ATXN2: variants seen among roughly 807,000 people sequenced by gnomAD.
ATXN2 encodes ataxin 2.
Under a neutral mutation model 138.6 loss-of-function variants are expected in ATXN2, and 37 were observed. The observed-to-expected ratio is 0.27, with a 90% CI of 0.21 to 0.35. ATXN2 has a LOEUF of 0.35. Ranked by LOEUF, ATXN2 falls within the 10% of genes least tolerant of loss-of-function variation. The pLI is 1.00. For synonymous variants in ATXN2, 549 were observed against 543.7 expected (o/e 1.01, Z -0.13); for missense variants, 1,216 against 1,480.3 (o/e 0.82, Z 2.93).
intron 1 of ATXN2, among the ~76,000 whole-genome samples, chr12:111,583,521 G>C (rs530424582): frequency 6.6e-6 from 1 of 151,574 alleles, no homozygotes; most frequent in Non-Finnish European, 1.5e-5. Flanking sequence ...ATCCCAGCAC[G>C]TTGGGAGGCC....
chr12:111,586,396 T>TG, intron 1 of ATXN2, among the ~76,000 whole-genome samples: 1 of 143,030 alleles, frequency 7.0e-6, no homozygotes, highest in African/African-American at 2.6e-5. Context: ...TGGTTTTTTT[T>TG]TTTTTTTTTT....
chr12:111,569,896 T>C (rs1395007643), intron 1 of ATXN2, among the ~76,000 whole-genome samples: 1 of 152,184 alleles, frequency 6.6e-6, no homozygotes. Flanking sequence ...CTTAGGGCTC[T>C]AGTCCCATGC....
At chr12:111,534,868 C>T (rs1019856542) in intron 5 of ATXN2, among the ~76,000 whole-genome samples, 1 of 152,140 alleles carries the variant, frequency 6.6e-6, no homozygotes, top group African/African-American at 2.4e-5. Context: ...GGCATGGTGA[C>T]TCACACCTGT....
At chr12:111,461,707 G>T (rs1387623691) in intron 21 of ATXN2, among the ~76,000 whole-genome samples, 1 of 151,830 alleles carries the variant, frequency 6.6e-6, no homozygotes, top group Non-Finnish European at 1.5e-5. Flanking sequence ...TGATCACGAG[G>T]TCAGGAGTTC....
At chr12:111,476,119 T>G (rs1876800025) in intron 18 of ATXN2, among the ~76,000 whole-genome samples, 2 of 152,134 alleles carry the variant, frequency 1.3e-5, no homozygotes, top group African/African-American at 4.8e-5. Flanking sequence ...ACCCAGCAAA[T>G]TTTTAAATTG....
chr12:111,486,687 A>G (rs908426397), intron 16 of ATXN2, 74 bp downstream of exon 16: 1 of 1,274,292 alleles, frequency 7.8e-7, no homozygotes, highest in Non-Finnish European at 1.1e-6. Context: ...GATGGCAGGT[A>G]TGGAAGAAGG....
chr12:111,459,736 G>A (rs934028934), intron 21 of ATXN2, among the ~76,000 whole-genome samples: 10 of 147,696 alleles, frequency 6.8e-5, no homozygotes, highest in Admixed American at 6.1e-4. Flanking sequence ...CACTGCGCCC[G>A]GCCATGTTTG....
intron 21 of ATXN2, among the ~76,000 whole-genome samples, chr12:111,460,250 T>C (rs1875470231): frequency 6.6e-6 from 1 of 152,116 alleles, no homozygotes; most frequent in Non-Finnish European, 1.5e-5. Context: ...TTTTTTGTAT[T>C]TTTAGTAGAG....
chr12:111,485,661 T>A, intron 17 of ATXN2, 52 bp downstream of exon 17: 1 of 1,599,588 alleles, frequency 6.3e-7, no homozygotes, highest in Middle Eastern at 1.7e-4. Flanking sequence ...GTGCTTGGTG[T>A]CAGATACAAA....
chr12:111,560,279 G>A (rs1307722459), intron 1 of ATXN2, among the ~76,000 whole-genome samples: 1 of 152,110 alleles, frequency 6.6e-6, no homozygotes, highest in Non-Finnish European at 1.5e-5. Flanking sequence ...TATTTACCTA[G>A]TGTTTACACC....
chr12:111,513,687 CCATA>C, intron 10 of ATXN2, 148 bp from the exon 11 acceptor site: 1 of 611,506 alleles, frequency 1.6e-6, no homozygotes, highest in Non-Finnish European at 2.4e-6. Context: ...AAAAAAAACA[CCATA>C]CATATTTTTT....
intron 22 of ATXN2, 71 bp downstream of exon 22, chr12:111,457,143 G>A (rs1875168342): frequency 1.3e-6 from 2 of 1,527,714 alleles, no homozygotes; most frequent in Admixed American, 2.0e-5. Context: ...TGCGATACCT[G>A]GCACCTGAAG....
chr12:111,462,963 C>CATATAT (rs371550351), intron 21 of ATXN2, among the ~76,000 whole-genome samples: 1 of 148,188 alleles, frequency 6.7e-6, no homozygotes, highest in African/African-American at 2.5e-5. Flanking sequence ...TACACACATA[C>CATATAT]ATATATATAT....
chr12:111,529,752 G>C (rs1459243511), intron 5 of ATXN2, among the ~76,000 whole-genome samples: 1 of 152,148 alleles, frequency 6.6e-6, no homozygotes, highest in Non-Finnish European at 1.5e-5. Flanking sequence ...AGCCAATAAT[G>C]CCTCTGAAAA....
intron 7 of ATXN2, among the ~76,000 whole-genome samples, chr12:111,520,462 C>T (rs936013369): frequency 2.6e-5 from 4 of 152,044 alleles, no homozygotes; most frequent in Admixed American, 2.6e-4. Context: ...ACTATCCTGG[C>T]CAACATGGTG....
intron 1 of ATXN2, among the ~76,000 whole-genome samples, chr12:111,565,906 G>C (rs1228863764): frequency 6.6e-6 from 1 of 151,360 alleles, no homozygotes; most frequent in Non-Finnish European, 1.5e-5. Flanking sequence ...TGAGGCACGA[G>C]AATTGCTTGA....
chr12:111,547,647 C>A (rs1453661187), intron 5 of ATXN2, among the ~76,000 whole-genome samples: 1 of 151,818 alleles, frequency 6.6e-6, no homozygotes, highest in Non-Finnish European at 1.5e-5. Flanking sequence ...ATCGCTTGAA[C>A]CCAGAAGGCG....
intron 21 of ATXN2, among the ~76,000 whole-genome samples, chr12:111,464,033 C>A (rs1487020534): frequency 6.6e-6 from 1 of 152,102 alleles, no homozygotes; most frequent in East Asian, 1.9e-4. Flanking sequence ...GATGATCCAC[C>A]CGCCTCAGCC....
At position 111,505,195 on chromosome 12, in the gene ATXN2, C is replaced by T. The variant is rs540290244; in HGVS notation, c.1935+4354G>A. Among the ~76,000 whole-genome samples, 13 of 152,062 alleles carry T rather than the reference C, an allele frequency of 8.5e-5. 2 individuals are homozygous for T. Among genetic ancestry groups the T allele is most frequent in the African/African-American group, 2.9e-4 (12 of 41,476 alleles). On this transcript the variant is annotated intron_variant, in intron 14 of 24. Coordinates refer to ENST00000673436, the MANE Select transcript of ATXN2 (RefSeq NM_001372574.1). ...CTGCCCTCCAGCCTAAGCAAAAGAGCGAGATTCTGTGTCAAAAGAAAAAAA... is the reference window on the plus strand; with the variant it reads ...CTGCCCTCCAGCCTAAGCAAAAGAGTGAGATTCTGTGTCAAAAGAAAAAAA...
Sources: gnomAD v4.1 joint callset for allele counts (sites outside exome capture counted in the v4.1 genomes callset) on GRCh38, gnomAD v4.1.1 for gene constraint, MANE v1.5 for transcripts, NCBI Gene and HGNC (gene_info 2026-07-23, HGNC 2026-07-21) for gene names.